The following RBMS3 variants were observed in gnomAD, a reference collection of about 807,000 sequenced individuals.
The protein encoded by RBMS3 is RNA-binding motif, single-stranded-interacting protein 3.
A neutral mutation model predicts 66.8 loss-of-function variants in RBMS3; 27 were observed. The observed-to-expected ratio is 0.40, with a 90% CI of 0.30 to 0.56. The LOEUF is 0.56. Ranked by LOEUF, RBMS3 falls within the 20% of genes least tolerant of loss-of-function variation. RBMS3 has a pLI of 0.40. For missense variants in RBMS3, 513 were observed against 549.5 expected (o/e 0.93, Z 0.66); for synonymous variants, 188 against 183.0 (o/e 1.03, Z -0.22).
intron 13 of RBMS3, among the ~76,000 whole-genome samples, chr3:29,988,593 A>C (rs1698597219): frequency 6.6e-6 from 1 of 152,164 alleles, no homozygotes; most frequent in Admixed American, 6.5e-5. Flanking sequence ...AGTGGTTCCT[A>C]GACCAGCATC....
chr3:29,535,238 G>A (rs1350470330), intron 3 of RBMS3, among the ~76,000 whole-genome samples: 1 of 152,096 alleles, frequency 6.6e-6, no homozygotes, highest in Non-Finnish European at 1.5e-5. Context: ...AAATATTTGT[G>A]TGCTAGAGAT....
chr3:29,541,815 A>C (rs529244072), intron 3 of RBMS3, among the ~76,000 whole-genome samples: 1 of 149,910 alleles, frequency 6.7e-6, no homozygotes, highest in African/African-American at 2.5e-5. Context: ...CCCCCACCTC[A>C]CCTGCTCTAT....
intron 1 of RBMS3, among the ~76,000 whole-genome samples, chr3:29,299,506 C>T (rs1488965922): frequency 6.6e-6 from 1 of 151,268 alleles, no homozygotes; most frequent in Admixed American, 6.6e-5. Flanking sequence ...TATGATTGGC[C>T]CTCCACATCT....
chr3:29,901,835 C>G (rs923977270), intron 10 of RBMS3, among the ~76,000 whole-genome samples: 1 of 151,754 alleles, frequency 6.6e-6, no homozygotes, highest in African/African-American at 2.4e-5. Flanking sequence ...CACCACTTTG[C>G]TATCTTTTAG....
intron 8 of RBMS3, among the ~76,000 whole-genome samples, chr3:29,884,471 C>CCT (rs2059820461): frequency 2.6e-5 from 1 of 38,932 alleles, no homozygotes; most frequent in African/African-American, 7.2e-5. Flanking sequence ...TCTCTCTCTC[C>CCT]CCCCCCGCTC....
At chr3:29,853,816 G>A (rs115660824) in intron 6 of RBMS3, among the ~76,000 whole-genome samples, 5,142 of 152,128 alleles carry the variant, frequency 0.034, 126 homozygotes, top group Non-Finnish European at 0.05. Context: ...ACAGCATCAA[G>A]GTTGAGACCA....
intron 4 of RBMS3, among the ~76,000 whole-genome samples, chr3:29,731,992 CCT>C (rs1340811854): frequency 6.6e-6 from 1 of 151,710 alleles, no homozygotes; most frequent in Non-Finnish European, 1.5e-5. Context: ...TCTCTCACTC[CCT>C]CTCTTTTTCT....
chr3:29,669,660 G>C (rs545735345), intron 4 of RBMS3, among the ~76,000 whole-genome samples: 30 of 152,160 alleles, frequency 2.0e-4, no homozygotes, highest in African/African-American at 6.0e-4. Context: ...GAAACATTGT[G>C]GGGGTTCCAT....
intron 1 of RBMS3, among the ~76,000 whole-genome samples, chr3:29,353,723 A>G (rs989292676): frequency 3.9e-5 from 6 of 152,112 alleles, no homozygotes; most frequent in Non-Finnish European, 7.4e-5. Flanking sequence ...TTTTAAAACA[A>G]CATAATTAAT....
intron 1 of RBMS3, among the ~76,000 whole-genome samples, chr3:29,432,705 T>G (rs1367272019): frequency 6.6e-6 from 1 of 152,070 alleles, no homozygotes; most frequent in Non-Finnish European, 1.5e-5. Flanking sequence ...CAAAAATAAT[T>G]AAATAAGACC....
intron 12 of RBMS3, among the ~76,000 whole-genome samples, chr3:29,984,334 G>A (rs1196470950): frequency 6.6e-6 from 1 of 151,750 alleles, no homozygotes; most frequent in Non-Finnish European, 1.5e-5. Context: ...AAGTTTCTTA[G>A]CTTCCTTTCA....
chr3:29,337,503 G>A (rs1298750445), intron 1 of RBMS3, among the ~76,000 whole-genome samples: 2 of 152,028 alleles, frequency 1.3e-5, no homozygotes, highest in Non-Finnish European at 2.9e-5. Context: ...GCTGGTCATG[G>A]TGGCATGAGC....
chr3:29,557,018 C>G (rs1559466280), intron 3 of RBMS3, among the ~76,000 whole-genome samples: 4 of 152,204 alleles, frequency 2.6e-5, no homozygotes, highest in African/African-American at 9.6e-5. Context: ...CCTTGCTTGA[C>G]TGCTTCTCTT....
chr3:29,346,351 T>C (rs1161003452), intron 1 of RBMS3, among the ~76,000 whole-genome samples: 1 of 151,942 alleles, frequency 6.6e-6, no homozygotes, highest in African/African-American at 2.4e-5. Context: ...TTCATTTTCT[T>C]GATTATTTCT....
intron 6 of RBMS3, among the ~76,000 whole-genome samples, chr3:29,813,202 A>C (rs2057777060): frequency 6.6e-6 from 1 of 152,046 alleles, no homozygotes; most frequent in Non-Finnish European, 1.5e-5. Flanking sequence ...TAAATTTCTT[A>C]AGGCCATTCT....
chr3:29,843,021 A>G (rs2058698648), intron 6 of RBMS3, among the ~76,000 whole-genome samples: 1 of 152,222 alleles, frequency 6.6e-6, no homozygotes, highest in Non-Finnish European at 1.5e-5. Flanking sequence ...GCCATAGGAA[A>G]CTAATATACT....
chr3:29,368,723 G>A (rs2038037277), intron 1 of RBMS3, among the ~76,000 whole-genome samples: 1 of 152,002 alleles, frequency 6.6e-6, no homozygotes. Context: ...TACTGTTGCT[G>A]GGAATGTAGA....
intron 4 of RBMS3, among the ~76,000 whole-genome samples, chr3:29,627,821 A>C (rs1284166393): frequency 6.6e-6 from 1 of 152,220 alleles, no homozygotes; most frequent in East Asian, 1.9e-4. Flanking sequence ...AGGAAGCAAG[A>C]AAGATAAGTG....
At chr3:29,733,818 T>A (rs542081344) in intron 4 of RBMS3, among the ~76,000 whole-genome samples, 1 of 152,148 alleles carries the variant, frequency 6.6e-6, no homozygotes, top group African/African-American at 2.4e-5. Flanking sequence ...AAAATCTTTG[T>A]CCAGACCAAT....
Sources: gnomAD v4.1 joint callset for allele counts (sites outside exome capture counted in the v4.1 genomes callset) on GRCh38, gnomAD v4.1.1 for gene constraint, MANE v1.5 for transcripts, NCBI Gene and HGNC (gene_info 2026-07-23, HGNC 2026-07-21) for gene names.